NLGN1: variants seen among roughly 807,000 people sequenced by gnomAD.
NLGN1 encodes the protein neuroligin 1.
Under a neutral mutation model 65.5 loss-of-function variants are expected in NLGN1, and 12 were observed. The ratio of observed to expected loss-of-function variants is 0.18; its 90% CI spans 0.12 to 0.30. NLGN1 has a LOEUF of 0.30. Ranked by LOEUF, NLGN1 falls within the 10% of genes least tolerant of loss-of-function variation. The pLI, the probability that NLGN1 is intolerant of heterozygous loss-of-function variation, is 1.00. For missense variants in NLGN1, 750 were observed against 1,007.1 expected, an observed-to-expected ratio of 0.74 and a Z score of 3.46; for synonymous variants, 350 against 359.5, an observed-to-expected ratio of 0.97 and a Z score of 0.30.
intron 3 of NLGN1, among the ~76,000 whole-genome samples, chr3:173,738,683 C>T (rs545222047): frequency 1.2e-4 from 19 of 152,078 alleles, no homozygotes; most frequent in African/African-American, 4.3e-4. Flanking sequence ...TGTAATTCCT[C>T]CAACTCTGTT....
At chr3:173,413,274 C>T (rs1712976011) in intron 1 of NLGN1, among the ~76,000 whole-genome samples, 1 of 152,028 alleles carries the variant, frequency 6.6e-6, no homozygotes, top group African/African-American at 2.4e-5. Context: ...TTTTATCTAT[C>T]CATCCATCTA....
chr3:173,417,378 T>C (rs974251669), intron 1 of NLGN1, among the ~76,000 whole-genome samples: 1 of 151,928 alleles, frequency 6.6e-6, no homozygotes, highest in South Asian at 2.1e-4. Flanking sequence ...TTAAAATGTC[T>C]TGGTATGTGA....
chr3:173,747,057 TATACACAC>T lies in NLGN1; in HGVS notation c.494-60621_494-60614del, dbSNP rs1368288575. On this transcript the variant is annotated intron_variant, in intron 3 of 6. Coordinates refer to ENST00000457714, the Ensembl canonical transcript of NLGN1. ...CCTGCCTCAAAAAGAAAAAATTATA[TATACACAC>T]ACACACACACACACACACACACACA... Among the ~76,000 whole-genome samples the T allele has an allele frequency of 4.6e-3, 375 of 81,780 alleles. 1 individual carries two copies. The highest frequency in any genetic ancestry group is 6.5e-3 in the South Asian group (14 of 2,148). The allele number at this position is 81,780 out of a possible 152,430, so 53.7% of individuals were successfully genotyped here.
rs1041937780 is a variant in NLGN1, at chr3:173,567,648, G to C, written c.-320-36631G>C. Reference sequence around the variant, plus strand: ...AAAATAATATTTATCAAGTGTATTAGCATATTTTACCTAAATATTTCACTA... The same window carrying C: ...AAAATAATATTTATCAAGTGTATTACCATATTTTACCTAAATATTTCACTA... On this transcript the variant is annotated intron_variant, in intron 2 of 6. Transcript: ENST00000457714. Among the ~76,000 whole-genome samples, 10 of 151,310 alleles carry C rather than the reference G, an allele frequency of 6.6e-5. No individual in the cohort carries two copies. In the South Asian group the frequency reaches 2.1e-3, roughly 32 times the overall value.
intron 4 of NLGN1, among the ~76,000 whole-genome samples, chr3:173,932,277 G>A (rs1744238660): frequency 6.6e-6 from 1 of 151,974 alleles, no homozygotes; most frequent in African/African-American, 2.4e-5. Context: ...GTGTCATTGT[G>A]GCAATAGTTT....
At chr3:173,833,925 A>C (rs1341931358) in intron 4 of NLGN1, among the ~76,000 whole-genome samples, 1 of 152,104 alleles carries the variant, frequency 6.6e-6, no homozygotes, top group African/African-American at 2.4e-5. Flanking sequence ...GACCAAGACT[A>C]TTGGGTGTTT....
In NLGN1 at chr3:174,182,593, G is replaced by A. The variant is rs902937998; in HGVS notation, c.647-92722G>A. ...TTCTAACAAATCCCCAGGAGACGTG[G>A]GTGCCACTGGTCTGTAGGCCATCCT... On this transcript the variant is annotated intron_variant, in intron 4 of 6. Transcript: ENST00000457714. 2.0e-5 allele frequency among the ~76,000 whole-genome samples: 3 copies of A among 152,120 alleles called. No homozygotes were observed. The South Asian group carries it at 6.2e-4, about 32-fold the overall frequency.
intron 2 of NLGN1, among the ~76,000 whole-genome samples, chr3:173,484,312 A>G (rs997998773): frequency 1.3e-5 from 2 of 152,256 alleles, no homozygotes; most frequent in East Asian, 3.9e-4. Context: ...GTGAAATTCA[A>G]ACTTTGAAAC....
chr3:173,697,438 G>A (rs1470036560), intron 3 of NLGN1, among the ~76,000 whole-genome samples: 1 of 152,008 alleles, frequency 6.6e-6, no homozygotes, highest in Non-Finnish European at 1.5e-5. Flanking sequence ...ATTTTTCATT[G>A]TCTGATTTTG....
chr3:173,465,630 A>G (rs1275585068), intron 2 of NLGN1, among the ~76,000 whole-genome samples: 1 of 152,254 alleles, frequency 6.6e-6, no homozygotes, highest in Non-Finnish European at 1.5e-5. Context: ...TTTAGATTAG[A>G]GGTAAGAGAT....
At chr3:173,464,496 C>T (rs184682487) in intron 2 of NLGN1, among the ~76,000 whole-genome samples, 11 of 143,134 alleles carry the variant, frequency 7.7e-5, no homozygotes, top group East Asian at 4.1e-4. Context: ...AGTGCAATGG[C>T]GCAATCTCGG....
intron 3 of NLGN1, among the ~76,000 whole-genome samples, chr3:173,747,203 A>G (rs930862193): frequency 7.2e-5 from 10 of 138,404 alleles, no homozygotes; most frequent in African/African-American, 2.8e-4. Flanking sequence ...TATATAATAT[A>G]TATATCTTTA....
At chr3:173,977,978 A>G (rs1210258710) in intron 4 of NLGN1, among the ~76,000 whole-genome samples, 1 of 152,016 alleles carries the variant, frequency 6.6e-6, no homozygotes, top group East Asian at 1.9e-4. Flanking sequence ...GAGAATGGCA[A>G]TAGAGTAGTA....
At chr3:173,599,363 T>G (rs1214877625) in intron 2 of NLGN1, among the ~76,000 whole-genome samples, 6 of 152,152 alleles carry the variant, frequency 3.9e-5, no homozygotes, top group Non-Finnish European at 7.4e-5. Context: ...TCTCAGACTC[T>G]GGCTTCTTTG....
chr3:173,673,667 A>T (rs146721631), intron 3 of NLGN1, among the ~76,000 whole-genome samples: 493 of 152,292 alleles, frequency 3.2e-3, no homozygotes, highest in African/African-American at 0.011. Context: ...ATATCTTGTT[A>T]ATGTTATACA....
intron 3 of NLGN1, among the ~76,000 whole-genome samples, chr3:173,683,785 A>G (rs1764303672): frequency 6.6e-6 from 1 of 152,176 alleles, no homozygotes; most frequent in Non-Finnish European, 1.5e-5. Context: ...GGTCAGGTAT[A>G]GTGCTTCGTG....
At chr3:174,192,546 C>T (rs1732591418) in intron 4 of NLGN1, among the ~76,000 whole-genome samples, 1 of 151,996 alleles carries the variant, frequency 6.6e-6, no homozygotes, top group Non-Finnish European at 1.5e-5. Flanking sequence ...AGTAAGTTTC[C>T]ACTTTGTGCT....
At chr3:174,100,003 C>T (rs571634111) in intron 4 of NLGN1, among the ~76,000 whole-genome samples, 5 of 152,028 alleles carry the variant, frequency 3.3e-5, no homozygotes, top group South Asian at 2.1e-4. Context: ...TGACCCTTGG[C>T]GGCTTGTTGA....
intron 4 of NLGN1, among the ~76,000 whole-genome samples, chr3:173,810,894 G>A (rs1275190112): frequency 6.6e-6 from 1 of 152,108 alleles, no homozygotes; most frequent in Non-Finnish European, 1.5e-5. Context: ...CTCTTACTGT[G>A]TGGTGTATGA....
Sources: allele counts gnomAD v4.1 joint callset (sites outside exome capture counted in the v4.1 genomes callset), GRCh38; gene constraint gnomAD v4.1.1; transcripts MANE v1.5; gene names NCBI Gene and HGNC (gene_info 2026-07-23, HGNC 2026-07-21).